CASK: variants seen among roughly 807,000 people sequenced by gnomAD.
CASK encodes the protein peripheral plasma membrane protein CASK.
A neutral mutation model predicts 82.9 loss-of-function variants in CASK; 4 were observed. The observed-to-expected ratio is 0.05, with a 90% CI of 0.02 to 0.11. The LOEUF is 0.11. CASK is among the 10% of genes least tolerant of loss of function. CASK has a pLI of 1.00. For missense variants in CASK, 358 were observed against 720.9 expected, an observed-to-expected ratio of 0.50 and a Z score of 5.76; for synonymous variants, 259 against 253.5, an observed-to-expected ratio of 1.02 and a Z score of -0.20.
At chrX:41,746,254 C>A (rs1401954538) in intron 3 of CASK, among the ~76,000 whole-genome samples, 5 of 110,796 alleles carry the variant, frequency 4.5e-5, no homozygotes, top group Non-Finnish European at 7.6e-5. Context: ...CCTACCTTGT[C>A]CACTGATGTT....
intron 6 of CASK, among the ~76,000 whole-genome samples, chrX:41,669,127 C>T (rs1270575524): frequency 5.4e-5 from 6 of 111,542 alleles, no homozygotes; most frequent in Non-Finnish European, 1.1e-4. Flanking sequence ...TAAAACGTAA[C>T]ATTCAGTTAT....
chrX:41,772,431 A>G (rs2069263465), intron 3 of CASK, among the ~76,000 whole-genome samples: 1 of 109,243 alleles, frequency 9.2e-6, no homozygotes, highest in Non-Finnish European at 1.9e-5. Context: ...ATGTCTGGCA[A>G]GGCTGAGAAA....
chrX:41,895,493 G>A (rs1174514136), intron 1 of CASK, among the ~76,000 whole-genome samples: 4 of 111,568 alleles, frequency 3.6e-5, no homozygotes, highest in Non-Finnish European at 5.7e-5. Flanking sequence ...AGAAACAGAA[G>A]TCCAAGAAAA....
intron 14 of CASK, among the ~76,000 whole-genome samples, chrX:41,582,154 T>C (rs928614591): frequency 3.6e-5 from 4 of 110,175 alleles, no homozygotes; most frequent in African/African-American, 1.3e-4. Context: ...CCAATTGGTC[T>C]CCCTAAACTC....
chrX:41,684,438 T>C (rs886789795), intron 5 of CASK, among the ~76,000 whole-genome samples: 32 of 111,935 alleles, frequency 2.9e-4, no homozygotes, highest in African/African-American at 1.0e-3. Context: ...GCCTATATTC[T>C]TCAAATACAG....
At chrX:41,560,948 G>C (rs2065220402) in intron 17 of CASK, among the ~76,000 whole-genome samples, 1 of 111,094 alleles carries the variant, frequency 9.0e-6, no homozygotes, top group Non-Finnish European at 1.9e-5. Flanking sequence ...ATACTTAATA[G>C]GTATTCATAA....
intron 1 of CASK, among the ~76,000 whole-genome samples, chrX:41,909,136 A>G (rs1260582241): frequency 8.9e-6 from 1 of 111,876 alleles, no homozygotes; most frequent in African/African-American, 3.3e-5. Flanking sequence ...AGGGCTTCTA[A>G]TTCTGTAGGG....
intron 8 of CASK, among the ~76,000 whole-genome samples, chrX:41,655,213 C>A (rs1333499013): frequency 9.0e-5 from 10 of 111,294 alleles, no homozygotes; most frequent in Non-Finnish European, 1.9e-5. Context: ...GACACGCTAA[C>A]TAGGCACCAG....
At chrX:41,918,108 T>A (rs1476764226) in intron 1 of CASK, among the ~76,000 whole-genome samples, 1 of 112,357 alleles carries the variant, frequency 8.9e-6, no homozygotes, top group Non-Finnish European at 1.9e-5. Flanking sequence ...AAACACTTGA[T>A]CTTTTCCTAA....
At chrX:41,636,520 T>A (rs1313118398) in intron 9 of CASK, 58 bp downstream of exon 9, 2 of 744,473 alleles carry the variant, frequency 2.7e-6, no homozygotes, top group Admixed American at 2.2e-5. Context: ...CAAAATAGAA[T>A]AAAAACATGA....
intron 1 of CASK, among the ~76,000 whole-genome samples, chrX:41,889,904 TG>T (rs1275723420): frequency 8.9e-6 from 1 of 111,910 alleles, no homozygotes; most frequent in Non-Finnish European, 1.9e-5. Context: ...CAGTAGAGAC[TG>T]GCAAAATCGG....
intron 12 of CASK, among the ~76,000 whole-genome samples, chrX:41,591,169 T>A (rs1289769080): frequency 8.9e-6 from 1 of 112,049 alleles, no homozygotes; most frequent in Non-Finnish European, 1.9e-5. Context: ...ATCTTCTGAA[T>A]GCTTTCTATC....
chrX:41,852,690 C>T (rs2071287830), intron 2 of CASK, among the ~76,000 whole-genome samples: 1 of 110,671 alleles, frequency 9.0e-6, no homozygotes, highest in Non-Finnish European at 1.9e-5. Flanking sequence ...TCTTTTGATT[C>T]CACTAAATCA....
chrX:41,838,353 G>C (rs1322539013), intron 2 of CASK, among the ~76,000 whole-genome samples: 2 of 111,879 alleles, frequency 1.8e-5, no homozygotes, highest in Non-Finnish European at 3.8e-5. Flanking sequence ...TACTGTTGAG[G>C]TTTTTTGTTT....
At chrX:41,897,867 G>T (rs992164112) in intron 1 of CASK, among the ~76,000 whole-genome samples, 2 of 111,901 alleles carry the variant, frequency 1.8e-5, no homozygotes, top group East Asian at 5.6e-4. Context: ...CGGCTTGCTA[G>T]TATTTTGTTG....
chrX:41,879,164 C>T (rs1355025673), intron 1 of CASK, among the ~76,000 whole-genome samples: 2 of 110,751 alleles, frequency 1.8e-5, no homozygotes, highest in Non-Finnish European at 3.8e-5. Flanking sequence ...CAGCTAGTGT[C>T]GTGTAAGAAA....
rs1438053153 is a variant in CASK at position 41,633,678 on chromosome X, C to T, written c.915+2900G>A. The stretch of plus-strand genomic sequence containing the variant: ...GGAGGAAAAAACTCGACACATGAAA[C>T]ATGTGGTAACCAAAATGGGGAAAAT... On this transcript the variant is annotated intron_variant, in intron 9 of 26. Transcript: ENST00000378163. 2.8e-5 allele frequency among the ~76,000 whole-genome samples: 3 copies of T among 108,654 alleles called. No homozygotes were observed. In the Admixed American group the frequency reaches 3.0e-4, roughly 11 times the overall value. The allele number at this position is 108,654 out of a possible 115,157, so 94.4% of individuals were successfully genotyped here.
At chrX:41,636,148 C>T (rs1455178256) in intron 9 of CASK, among the ~76,000 whole-genome samples, 2 of 110,222 alleles carry the variant, frequency 1.8e-5, no homozygotes, top group Non-Finnish European at 3.8e-5. Context: ...CCGCCCGCCT[C>T]GGCCTCCCAA....
At chrX:41,557,234 T>C (rs1390314527) in intron 18 of CASK, 134 bp from the exon 19 acceptor site, 4 of 552,325 alleles carry the variant, frequency 7.2e-6, no homozygotes, top group Non-Finnish European at 1.2e-5. Flanking sequence ...CATACTGACT[T>C]GCTTGCATGA....
Sources: allele counts gnomAD v4.1 joint callset (sites outside exome capture counted in the v4.1 genomes callset), GRCh38; gene constraint gnomAD v4.1.1; transcripts MANE v1.5; gene names NCBI Gene and HGNC (gene_info 2026-07-23, HGNC 2026-07-21).